Variants in NME7 observed in about 807,000 individuals in gnomAD.
NME7 encodes NME/NM23 family member 7.
A neutral mutation model predicts 49.1 loss-of-function variants in NME7; 41 were observed. The observed-to-expected ratio is 0.83, with a 90% CI of 0.65 to 1.08. The LOEUF (loss-of-function observed/expected upper bound fraction) is 1.08, where lower values mean the gene tolerates loss of function less well. NME7 is among the 50% of genes least tolerant of loss of function. The pLI is 0.00. For synonymous variants in NME7, 139 were observed against 150.6 expected (o/e 0.92, Z 0.56); for missense variants, 423 against 463.4 (o/e 0.91, Z 0.80).
At chr1:169,303,053 T>C in intron 5 of NME7, 92 bp downstream of exon 5, 4 of 790,160 alleles carry the variant, frequency 5.1e-6, no homozygotes, top group South Asian at 1.6e-5. Context: ...TTTGACAGAT[T>C]ATTCTCAAGT....
At chr1:169,137,330 T>C (rs1167165970) in intron 11 of NME7, among the ~76,000 whole-genome samples, 1 of 152,264 alleles carries the variant, frequency 6.6e-6, no homozygotes, top group East Asian at 1.9e-4. Flanking sequence ...TCTGCACCAG[T>C]TCTGCTTAAA....
At chr1:169,140,043 C>G (rs1225567659) in intron 11 of NME7, among the ~76,000 whole-genome samples, 3 of 152,084 alleles carry the variant, frequency 2.0e-5, no homozygotes, top group East Asian at 3.8e-4. Flanking sequence ...TAGATAATAT[C>G]AGTGTTTTTA....
intron 11 of NME7, among the ~76,000 whole-genome samples, chr1:169,157,628 A>C (rs1659116693): frequency 6.6e-6 from 1 of 152,172 alleles, no homozygotes; most frequent in South Asian, 2.1e-4. Context: ...CAGAAGCCAC[A>C]GATTCCCCCA....
intron 11 of NME7, chr1:169,168,901 T>C (rs1165746945): frequency 1.1e-5 from 5 of 456,456 alleles, no homozygotes; most frequent in South Asian, 4.7e-5. Context: ...CTTTCTAATA[T>C]ATTTATTGAA....
chr1:169,188,293 G>T (rs1421596045), intron 10 of NME7, among the ~76,000 whole-genome samples: 1 of 152,008 alleles, frequency 6.6e-6, no homozygotes, highest in Non-Finnish European at 1.5e-5. Flanking sequence ...TGAATGTGTG[G>T]GTGTTTTATT....
chr1:169,156,542 T>C (rs1361398076), intron 11 of NME7, among the ~76,000 whole-genome samples: 1 of 152,236 alleles, frequency 6.6e-6, no homozygotes, highest in Non-Finnish European at 1.5e-5. Context: ...TAATCTAAAA[T>C]AATCCTAGAG....
At chr1:169,183,119 C>T (rs57461302) in intron 10 of NME7, among the ~76,000 whole-genome samples, 3,878 of 152,254 alleles carry the variant, frequency 0.025, 141 homozygotes, top group African/African-American at 0.087. Flanking sequence ...TGTTTCATCA[C>T]AGATATAAAA....
At chr1:169,344,317 G>A (rs1652881961) in intron 1 of NME7, among the ~76,000 whole-genome samples, 1 of 152,076 alleles carries the variant, frequency 6.6e-6, no homozygotes, top group Admixed American at 6.5e-5. Flanking sequence ...CTATATACAG[G>A]GTCACATCCT....
intron 10 of NME7, among the ~76,000 whole-genome samples, chr1:169,192,378 CT>C (rs1470837623): frequency 5.9e-5 from 9 of 152,090 alleles, no homozygotes; most frequent in South Asian, 2.1e-4. Context: ...CATATACAAA[CT>C]TTTTTTCTTA....
intron 7 of NME7, among the ~76,000 whole-genome samples, chr1:169,238,177 C>A (rs1431614170): frequency 6.6e-5 from 10 of 151,660 alleles, no homozygotes; most frequent in Non-Finnish European, 1.0e-4. Flanking sequence ...TGGGCTTATA[C>A]AGGGATAGGA....
chr1:169,319,882 A>G (rs1224411818), intron 3 of NME7, among the ~76,000 whole-genome samples: 2 of 152,200 alleles, frequency 1.3e-5, no homozygotes, highest in East Asian at 3.8e-4. Flanking sequence ...CAATGTAAAT[A>G]TGTGGCTCAG....
intron 11 of NME7, among the ~76,000 whole-genome samples, chr1:169,157,936 A>G (rs992666995): frequency 3.3e-5 from 5 of 152,186 alleles, no homozygotes; most frequent in Non-Finnish European, 5.9e-5. Flanking sequence ...TAAGTTTTGT[A>G]TAAGTGCTGG....
intron 8 of NME7, among the ~76,000 whole-genome samples, chr1:169,236,039 G>A (rs1647846055): frequency 6.6e-6 from 1 of 151,868 alleles, no homozygotes; most frequent in Non-Finnish European, 1.5e-5. Context: ...AGAAATTTCT[G>A]CCAATATGGA....
intron 7 of NME7, 68 bp downstream of exon 7, chr1:169,287,234 AG>A: frequency 8.2e-7 from 1 of 1,226,716 alleles, no homozygotes; most frequent in Non-Finnish European, 1.2e-6. Flanking sequence ...CTATACATAA[AG>A]TACATCAAGA....
intron 7 of NME7, among the ~76,000 whole-genome samples, chr1:169,280,037 C>T (rs1290458910): frequency 6.6e-6 from 1 of 152,224 alleles, no homozygotes; most frequent in African/African-American, 2.4e-5. Flanking sequence ...GGAATCACCA[C>T]ACTGTTTTCC....
At chr1:169,172,773 C>T (rs1659643379) in intron 10 of NME7, among the ~76,000 whole-genome samples, 2 of 152,170 alleles carry the variant, frequency 1.3e-5, no homozygotes, top group Non-Finnish European at 1.5e-5. Context: ...AACACTGTTT[C>T]CTCTATAAAA....
chr1:169,133,363 C>A (rs80269748), intron 11 of NME7, among the ~76,000 whole-genome samples: 1 of 152,318 alleles, frequency 6.6e-6, no homozygotes, highest in South Asian at 2.1e-4. Context: ...GGAAACCTTT[C>A]GCAAAGCCTG....
At chr1:169,248,204 T>C (rs931168353) in intron 7 of NME7, among the ~76,000 whole-genome samples, 1 of 152,218 alleles carries the variant, frequency 6.6e-6, no homozygotes, top group African/African-American at 2.4e-5. Context: ...TATCTCATTG[T>C]ATTTTTAATT....
intron 7 of NME7, among the ~76,000 whole-genome samples, chr1:169,252,087 G>T (rs1391001337): frequency 2.7e-4 from 41 of 149,198 alleles, no homozygotes; most frequent in African/African-American, 9.4e-4. Context: ...GTAATGGGAT[G>T]GCTGGGTCAA....
Sources: gnomAD v4.1 joint callset for allele counts (sites outside exome capture counted in the v4.1 genomes callset) on GRCh38, gnomAD v4.1.1 for gene constraint, MANE v1.5 for transcripts, NCBI Gene and HGNC (gene_info 2026-07-23, HGNC 2026-07-21) for gene names.